The following UNC5C variants were observed in gnomAD, a reference collection of about 807,000 sequenced individuals.
The protein encoded by UNC5C is netrin receptor UNC5C.
UNC5C carries 47 observed loss-of-function variants against 99.8 expected under a neutral mutation model. The observed-to-expected ratio is 0.47, with a 90% CI of 0.37 to 0.60. The LOEUF is 0.60. Ranked by LOEUF, UNC5C falls within the 20% of genes least tolerant of loss-of-function variation. UNC5C has a pLI of 0.00. For synonymous variants in UNC5C, 487 were observed against 452.2 expected, an observed-to-expected ratio of 1.08 and a Z score of -0.98; for missense variants, 1,062 against 1,165.9, an observed-to-expected ratio of 0.91 and a Z score of 1.30.
chr4:95,273,082 A>ACTC (rs1485103512), intron 4 of UNC5C, among the ~76,000 whole-genome samples: 1 of 152,166 alleles, frequency 6.6e-6, no homozygotes, highest in Non-Finnish European at 1.5e-5. Flanking sequence ...TCACGACTAT[A>ACTC]CTCAGTAAAA....
intron 1 of UNC5C, among the ~76,000 whole-genome samples, chr4:95,452,789 C>T (rs1560838391): frequency 6.6e-6 from 1 of 152,152 alleles, no homozygotes; most frequent in East Asian, 1.9e-4. Flanking sequence ...CTTTTGTTTA[C>T]CATTTGCTTT....
intron 1 of UNC5C, among the ~76,000 whole-genome samples, chr4:95,384,509 C>G (rs543599235): frequency 3.7e-4 from 57 of 152,112 alleles, no homozygotes; most frequent in African/African-American, 1.0e-3. Flanking sequence ...AGAGCAGGTA[C>G]GAAGAACGTC....
At chr4:95,528,318 G>T (rs956344782) in intron 1 of UNC5C, among the ~76,000 whole-genome samples, 46 of 152,222 alleles carry the variant, frequency 3.0e-4, no homozygotes, top group Admixed American at 1.1e-3. Context: ...GGCTGCTTGT[G>T]CTTAACTCTA....
intron 1 of UNC5C, among the ~76,000 whole-genome samples, chr4:95,410,735 A>AGAT (rs1271591122): frequency 1.3e-5 from 2 of 152,162 alleles, no homozygotes; most frequent in Non-Finnish European, 2.9e-5. Flanking sequence ...TGAACACTAG[A>AGAT]GATGATGGCC....
chr4:95,255,679 C>A (rs1238020216), intron 4 of UNC5C, among the ~76,000 whole-genome samples: 1 of 152,126 alleles, frequency 6.6e-6, no homozygotes, highest in East Asian at 1.9e-4. Flanking sequence ...CAAGTCCCAG[C>A]AATTCTCTTC....
At position 95,172,302 on chromosome 4, in the gene UNC5C, G is replaced by A. The variant is rs1460556329; in HGVS notation, c.2452-1970C>T. 2.6e-5 allele frequency among the ~76,000 whole-genome samples: 4 copies of A among 151,590 alleles called. No homozygotes were observed. In the East Asian group the frequency reaches 7.8e-4, roughly 29 times the overall value. On this transcript the variant is annotated intron_variant, in intron 14 of 15. Coordinates refer to ENST00000453304, the MANE Select transcript of UNC5C (RefSeq NM_003728.4). ...CCATTGCTTTTGGTGTTTTAGACAT[G>A]AAGTCCTTGCCCATGCCTATGTCCT... is the stretch of plus-strand genomic sequence containing the variant.
intron 1 of UNC5C, among the ~76,000 whole-genome samples, chr4:95,437,491 G>GA (rs1274488393): frequency 2.0e-5 from 3 of 151,814 alleles, no homozygotes; most frequent in Non-Finnish European, 2.9e-5. Flanking sequence ...TAGCACTTGG[G>GA]AAAAAATACA....
chr4:95,231,872 A>G (rs1237150010), intron 7 of UNC5C, among the ~76,000 whole-genome samples: 1 of 152,164 alleles, frequency 6.6e-6, no homozygotes, highest in East Asian at 1.9e-4. Flanking sequence ...GAATACATAA[A>G]TCCTAGGACA....
At chr4:95,503,808 T>C (rs997333194) in intron 1 of UNC5C, among the ~76,000 whole-genome samples, 5 of 152,088 alleles carry the variant, frequency 3.3e-5, no homozygotes, top group African/African-American at 1.2e-4. Context: ...AAATTCCTCA[T>C]TGTTGGCTGT....
At chr4:95,486,721 T>A (rs943375281) in intron 1 of UNC5C, among the ~76,000 whole-genome samples, 1 of 151,588 alleles carries the variant, frequency 6.6e-6, no homozygotes, top group African/African-American at 2.4e-5. Flanking sequence ...CTGAATCCCA[T>A]CATTTGATTT....
chr4:95,219,994 C>T lies in UNC5C; in HGVS notation c.1291G>A (p.Ala431Thr). 6.2e-7 allele frequency: 1 copy of T among 1,613,346 alleles called. No homozygotes were observed. Among genetic ancestry groups the T allele is most frequent in the Non-Finnish European group, 8.5e-7 (1 of 1,179,564 alleles). ...GGFQPVNIKA[A>T]RQDLLAVPPD... ...TGGAATGTCAACTGACCTTGTCTTGCTGCCTTGATGTTCACAGGCTGAAAG... is the reference window on the plus strand; with the variant it reads ...TGGAATGTCAACTGACCTTGTCTTGTTGCCTTGATGTTCACAGGCTGAAAG... Residue 431 changes from alanine (A) to threonine (T), a missense_variant, in exon 8 of 16, where the codon GCA (alanine) becomes ACA (threonine). Physicochemically the swap from Ala to Thr is moderately conservative, Grantham distance 58 (BLOSUM62 0). This residue lies in a region of UNC5C where 810 missense variants were observed against 854.5 expected (regional missense o/e 0.95). Transcript: ENST00000453304.
intron 1 of UNC5C, among the ~76,000 whole-genome samples, chr4:95,510,497 G>T (rs3919937): frequency 0.095 from 14,362 of 151,764 alleles, 1,511 homozygotes; most frequent in African/African-American, 0.26. Context: ...TGAGAATACA[G>T]AATTAAAGCA....
rs1205147803 is a variant in UNC5C at position 95,192,917 on chromosome 4, CTT to C, written c.2137-7723_2137-7722del. ...TCTTTCTCTCCCTCTCTGCCTCTCT[CTT>C]GTTCTCTCTCCAACTACTTTTCTGT... On this transcript the variant is annotated intron_variant, in intron 12 of 15. Coordinates refer to ENST00000453304, the MANE Select transcript of UNC5C (RefSeq NM_003728.4). Among the ~76,000 whole-genome samples the C allele has an allele frequency of 2.0e-5, 3 of 152,302 alleles. No individual in the cohort carries two copies. In the East Asian group the frequency reaches 5.8e-4, roughly 29 times the overall value.
At chr4:95,360,417 G>C (rs971933858) in intron 1 of UNC5C, among the ~76,000 whole-genome samples, 3 of 152,122 alleles carry the variant, frequency 2.0e-5, no homozygotes, top group Admixed American at 6.6e-5. Flanking sequence ...ACCAGTTGGA[G>C]AATTGTTAAC....
intron 1 of UNC5C, among the ~76,000 whole-genome samples, chr4:95,473,559 A>C (rs530034058): frequency 1.3e-5 from 2 of 152,246 alleles, no homozygotes; most frequent in African/African-American, 4.8e-5. Context: ...ACAATGGTTA[A>C]ATTTTCTTTC....
chr4:95,250,703 C>CATGGATCCCCTG, intron 4 of UNC5C, 36 bp from the exon 5 acceptor site: 1 of 1,597,934 alleles, frequency 6.3e-7, no homozygotes, highest in Middle Eastern at 1.7e-4. Context: ...AAATCCTCAG[C>CATGGATCCCCTG]ATGGATCCCC....
At chr4:95,409,172 A>C (rs1221650184) in intron 1 of UNC5C, among the ~76,000 whole-genome samples, 16 of 152,236 alleles carry the variant, frequency 1.1e-4, no homozygotes, top group Admixed American at 1.0e-3. Context: ...CACCTCACAC[A>C]ATCATTAGGA....
At chr4:95,353,334 C>G (rs1744055201) in intron 1 of UNC5C, among the ~76,000 whole-genome samples, 1 of 151,834 alleles carries the variant, frequency 6.6e-6, no homozygotes, top group Admixed American at 6.6e-5. Flanking sequence ...AATGTCATCC[C>G]CATGGATAGA....
intron 4 of UNC5C, among the ~76,000 whole-genome samples, chr4:95,256,699 A>AATAAAT (rs1553958328): frequency 2.9e-4 from 26 of 90,688 alleles, no homozygotes; most frequent in Middle Eastern, 9.8e-3. Context: ...GAACTAAATA[A>AATAAAT]ATATATATAT....
Sources: allele counts gnomAD v4.1 joint callset (sites outside exome capture counted in the v4.1 genomes callset), GRCh38; gene constraint gnomAD v4.1.1; regional missense constraint gnomAD v4.1.1; transcripts MANE v1.5; gene names NCBI Gene and HGNC (gene_info 2026-07-23, HGNC 2026-07-21).